The following FBN2 variants were observed in gnomAD, a reference collection of about 807,000 sequenced individuals.
The protein encoded by FBN2 is fibrillin-2.
Under a neutral mutation model 355.6 loss-of-function variants are expected in FBN2, and 105 were observed. The observed-to-expected ratio is 0.30, with a 90% CI of 0.25 to 0.35. FBN2 has a LOEUF of 0.35. Among genes scored for constraint, FBN2 ranks in the 10% least tolerant of loss-of-function variants. The pLI, the probability that FBN2 is intolerant of heterozygous loss-of-function variation, is 1.00. For missense variants in FBN2, 3,280 were observed against 3,758.7 expected (o/e 0.87, Z 3.33); for synonymous variants, 1,350 against 1,301.2 (o/e 1.04, Z -0.81).
chr5:128,265,189 T>A (rs555064127), intron 62 of FBN2, among the ~76,000 whole-genome samples: 9 of 152,352 alleles, frequency 5.9e-5, no homozygotes, highest in African/African-American at 2.2e-4. Flanking sequence ...AAGCCTCATC[T>A]GCTTTTATAA....
At chr5:128,523,862 C>T (rs1269018857) in intron 4 of FBN2, among the ~76,000 whole-genome samples, 4 of 152,032 alleles carry the variant, frequency 2.6e-5, no homozygotes, top group East Asian at 1.9e-4. Context: ...ACATCTTCAG[C>T]GACTACAGCT....
intron 5 of FBN2, among the ~76,000 whole-genome samples, chr5:128,491,473 A>C (rs1383271746): frequency 6.6e-6 from 1 of 152,164 alleles, no homozygotes; most frequent in Non-Finnish European, 1.5e-5. Flanking sequence ...CTTAGGAAGT[A>C]ATCACGTTTT....
chr5:128,310,385 TATATATATATATATATA>T lies in FBN2; in HGVS notation c.5075-294_5075-278del, dbSNP rs1164931401. Reference sequence around the variant, plus strand: ...TGGCACATATATATATATATATATATATATATATATATATATATTTTTTTTTTTTTTTTTTTATTGCA... The same window carrying T: ...TGGCACATATATATATATATATATATTTTTTTTTTTTTTTTTTTTATTGCA... On this transcript the variant is annotated intron_variant, in intron 39 of 64. Coordinates refer to ENST00000262464, the MANE Select transcript of FBN2 (RefSeq NM_001999.4). Among the ~76,000 whole-genome samples the T allele has an allele frequency of 1.3e-3, 18 of 13,480 alleles. 1 individual carries two copies. In the East Asian group the frequency reaches 0.014, roughly 11 times the overall value. The allele number at this position is 13,480 out of a possible 152,430, so 8.8% of individuals were successfully genotyped here. A position where few individuals can be genotyped will look rare whatever the true frequency, so the allele number is the denominator to read the frequency against.
At chr5:128,347,584 G>T (rs1276177295) in intron 23 of FBN2, among the ~76,000 whole-genome samples, 1 of 152,138 alleles carries the variant, frequency 6.6e-6, no homozygotes, top group African/African-American at 2.4e-5. Context: ...CCCTGATTCA[G>T]ATGAGGTTCT....
At chr5:128,388,979 G>A (rs1752440805) in intron 11 of FBN2, among the ~76,000 whole-genome samples, 2 of 152,128 alleles carry the variant, frequency 1.3e-5, no homozygotes, top group South Asian at 4.2e-4. Flanking sequence ...ATGCCAATGA[G>A]TTGTAAGTTT....
At chr5:128,287,283 A>T in intron 54 of FBN2, 25 bp downstream of exon 54, 2 of 1,613,280 alleles carry the variant, frequency 1.2e-6, no homozygotes, top group Non-Finnish European at 1.7e-6. Flanking sequence ...TAAAGTTCGA[A>T]CTACTCCCGA....
At chr5:128,536,269 G>A (rs1353237287) in intron 2 of FBN2, 133 bp downstream of exon 2, 12 of 741,242 alleles carry the variant, frequency 1.6e-5, no homozygotes, top group Non-Finnish European at 2.2e-5. Flanking sequence ...ATGGGGCCGC[G>A]TCCCGATTAT....
Position 128,286,725 on chromosome 5 carries a change from G to A in FBN2, c.7005C>T (p.Gly2335=). Residue 2335 remains glycine (G), a synonymous_variant, in exon 55 of 65, where the codon GGC becomes GGT. Transcript: ENST00000262464. ...PGMARRPDGE[G]CVDENECRTK... The stretch of plus-strand genomic sequence containing the variant: ...CCTTCCCTTACCGCTTACCTACACA[G>A]CCTTCTCCATCGGGCCTTCGGGCCA... 1 of 1,614,106 alleles carries A rather than the reference G, an allele frequency of 6.2e-7. No individual in the cohort carries two copies.
At chr5:128,448,402 G>A (rs1007725719) in intron 6 of FBN2, among the ~76,000 whole-genome samples, 6 of 151,832 alleles carry the variant, frequency 4.0e-5, no homozygotes, top group African/African-American at 1.2e-4. Flanking sequence ...CACCTCCCAG[G>A]TTCAAGCGAT....
intron 5 of FBN2, among the ~76,000 whole-genome samples, chr5:128,470,970 C>T (rs1406011625): frequency 6.6e-6 from 1 of 151,870 alleles, no homozygotes; most frequent in Non-Finnish European, 1.5e-5. Flanking sequence ...CATAAGGTAT[C>T]ATTATCACTT....
At chr5:128,335,926 C>T in intron 28 of FBN2, 62 bp downstream of exon 28, 1 of 1,587,496 alleles carries the variant, frequency 6.3e-7, no homozygotes, top group Admixed American at 1.7e-5. Context: ...AATTCAGCGC[C>T]AAAAGTTTTC....
intron 20 of FBN2, among the ~76,000 whole-genome samples, chr5:128,352,546 G>A (rs1751395582): frequency 6.6e-6 from 1 of 152,248 alleles, no homozygotes; most frequent in Non-Finnish European, 1.5e-5. Flanking sequence ...TTGAAGCAGT[G>A]ATAAGGAATC....
At chr5:128,320,653 A>G (rs1561768911) in intron 34 of FBN2, among the ~76,000 whole-genome samples, 1 of 152,246 alleles carries the variant, frequency 6.6e-6, no homozygotes, top group East Asian at 1.9e-4. Flanking sequence ...ATAATACAGA[A>G]AACAAAACAG....
chr5:128,457,866 A>G (rs534292999), intron 6 of FBN2, among the ~76,000 whole-genome samples: 1 of 151,962 alleles, frequency 6.6e-6, no homozygotes, highest in Non-Finnish European at 1.5e-5. Context: ...AAAAAACAAA[A>G]TATAAAGACC....
intron 48 of FBN2, among the ~76,000 whole-genome samples, chr5:128,294,756 T>G (rs1214415340): frequency 6.6e-6 from 1 of 151,198 alleles, no homozygotes; most frequent in Non-Finnish European, 1.5e-5. Flanking sequence ...TCAGAGTAGG[T>G]TGCGAAAATT....
Position 128,537,807 on chromosome 5 carries a change from C to CG in FBN2, c.-205dup. The CG allele has an allele frequency of 1.6e-6, 1 of 613,508 alleles. No individual in the cohort carries two copies. Among genetic ancestry groups the CG allele is most frequent in the South Asian group, 2.0e-5 (1 of 51,266 alleles). 38.0% of individuals were successfully genotyped at this position (613,508 alleles called of 1,614,324 possible). ...GCCCGCGAAGCGAGACGCGGGGCGC[C>CG]GGGTCTAGCGCAGTGAGCGGCGAGG... On this transcript the variant is annotated 5_prime_UTR_variant, in exon 1 of 65. Transcript: ENST00000262464.
intron 4 of FBN2, among the ~76,000 whole-genome samples, 180 bp from the exon 5 acceptor site, chr5:128,519,548 T>G (rs573944618): frequency 2.0e-5 from 3 of 152,172 alleles, no homozygotes; most frequent in African/African-American, 7.2e-5. Flanking sequence ...GTAAATATAT[T>G]TAAGTATATT....
At chr5:128,530,739 A>T in intron 2 of FBN2, 46 bp from the exon 3 acceptor site, 1 of 1,187,786 alleles carries the variant, frequency 8.4e-7, no homozygotes, top group Non-Finnish European at 1.3e-6. Flanking sequence ...TATATAATAA[A>T]CCATAGTTTA....
At chr5:128,435,513 G>C (rs1006678670) in intron 7 of FBN2, among the ~76,000 whole-genome samples, 1 of 152,004 alleles carries the variant, frequency 6.6e-6, no homozygotes, top group Non-Finnish European at 1.5e-5. Flanking sequence ...TATATGTTAT[G>C]CATAAAAACC....
Sources: allele counts gnomAD v4.1 joint callset (sites outside exome capture counted in the v4.1 genomes callset), GRCh38; gene constraint gnomAD v4.1.1; transcripts MANE v1.5; gene names NCBI Gene and HGNC (gene_info 2026-07-23, HGNC 2026-07-21).